Variants in WDR59 observed in about 807,000 individuals in gnomAD.
WDR59 encodes GATOR2 complex protein WDR59.
Under a neutral mutation model 131.2 loss-of-function variants are expected in WDR59, and 100 were observed. The observed-to-expected ratio is 0.76, with a 90% CI of 0.65 to 0.90. The LOEUF is 0.90. Ranked by LOEUF, WDR59 falls within the 40% of genes least tolerant of loss-of-function variation. WDR59 has a pLI of 0.00. For synonymous variants in WDR59, 601 were observed against 466.2 expected, an observed-to-expected ratio of 1.29 and a Z score of -3.72; for missense variants, 1,203 against 1,262.2, an observed-to-expected ratio of 0.95 and a Z score of 0.71.
At chr16:74,957,601 G>T (rs369900433) in intron 2 of WDR59, among the ~76,000 whole-genome samples, 3 of 152,124 alleles carry the variant, frequency 2.0e-5, no homozygotes, top group South Asian at 4.1e-4. Context: ...AATAACATAT[G>T]AAGTGCCAGT....
chr16:74,981,298 C>T (rs1033248469), intron 1 of WDR59, among the ~76,000 whole-genome samples: 1 of 151,112 alleles, frequency 6.6e-6, no homozygotes, highest in African/African-American at 2.4e-5. Context: ...ATGCCGTGAA[C>T]CTGGGAGGCA....
intron 1 of WDR59, among the ~76,000 whole-genome samples, chr16:74,971,522 T>G (rs2033984535): frequency 7.2e-6 from 1 of 139,644 alleles, no homozygotes; most frequent in Non-Finnish European, 1.5e-5. Context: ...AACCTCTGCC[T>G]CCTGAGTTCA....
intron 23 of WDR59, among the ~76,000 whole-genome samples, chr16:74,886,810 C>A (rs1964788676): frequency 6.6e-6 from 1 of 152,136 alleles, no homozygotes; most frequent in African/African-American, 2.4e-5. Flanking sequence ...GCAATCCCAG[C>A]TACTCAGGAG....
chr16:74,908,611 A>G (rs1445495866), intron 17 of WDR59: 5 of 277,968 alleles, frequency 1.8e-5, no homozygotes, highest in Non-Finnish European at 3.3e-5. Context: ...ATTAAAAACA[A>G]ATAATAAATA....
intron 2 of WDR59, chr16:74,959,444 G>C (rs982858967): frequency 2.4e-6 from 1 of 417,490 alleles, no homozygotes; most frequent in African/African-American, 2.1e-5. Flanking sequence ...GAAACCTGAA[G>C]GATAGGGACT....
chr16:74,962,945 G>A (rs967003612), intron 2 of WDR59: 1 of 151,396 alleles, frequency 6.6e-6, no homozygotes, highest in African/African-American at 2.4e-5. Flanking sequence ...GTACCCAGAG[G>A]AATCTAAATT....
chr16:74,977,015 C>G (rs917523527), intron 1 of WDR59, among the ~76,000 whole-genome samples: 6 of 151,926 alleles, frequency 3.9e-5, no homozygotes, highest in African/African-American at 7.3e-5. Context: ...ACAAAAACAA[C>G]AAGACTGAAA....
At chr16:74,899,637 T>A (rs764956166) in intron 18 of WDR59, 179 of 1,253,738 alleles carry the variant, frequency 1.4e-4, no homozygotes, top group Non-Finnish European at 1.8e-4. Flanking sequence ...TGGCATTTTA[T>A]TCTTGGGCCT....
intron 4 of WDR59, among the ~76,000 whole-genome samples, chr16:74,950,519 C>T (rs2145135512): frequency 6.6e-6 from 1 of 152,348 alleles, no homozygotes; most frequent in Non-Finnish European, 1.5e-5. Context: ...GGCCAGAGGC[C>T]TGTGGTGTCC....
intron 2 of WDR59, among the ~76,000 whole-genome samples, chr16:74,957,558 T>C (rs2033354917): frequency 6.6e-6 from 1 of 152,154 alleles, no homozygotes; most frequent in Middle Eastern, 3.4e-3. Context: ...ATCAGGAGGG[T>C]TAACAATAAC....
At position 74,885,727 on chromosome 16, in the gene WDR59, C is replaced by T. The variant is rs183855703; in HGVS notation, c.2615G>A (p.Arg872His). The T allele has an allele frequency of 2.2e-5, 36 of 1,614,150 alleles. 1 individual carries two copies. The highest frequency in any genetic ancestry group is 2.2e-4 in the East Asian group (10 of 44,878). ...FKKCYGEILYRWGLREKRAEV... is the reference protein window; with the variant it reads ...FKKCYGEILYHWGLREKRAEV... ...AGCTCGCTTCTCTCTCAGACCCCAA[C>T]GGTAGAGGATTTCCCCATAGCATTT... is the stretch of plus-strand genomic sequence containing the variant. Residue 872 changes from arginine (R) to histidine (H), a missense_variant, in exon 25 of 26, where the codon CGT becomes CAT. Coordinates refer to ENST00000262144, the MANE Select transcript of WDR59 (RefSeq NM_030581.4).
intron 18 of WDR59, among the ~76,000 whole-genome samples, chr16:74,895,445 T>C (rs900760924): frequency 3.9e-5 from 6 of 152,124 alleles, no homozygotes; most frequent in Non-Finnish European, 8.8e-5. Context: ...GTATTTTTAG[T>C]AGAGACAGGG....
chr16:74,898,472 G>A (rs1965394219), intron 18 of WDR59, among the ~76,000 whole-genome samples: 1 of 152,192 alleles, frequency 6.6e-6, no homozygotes, highest in African/African-American at 2.4e-5. Context: ...ATTACATGAT[G>A]AGCACCAGGC....
chr16:74,923,992 G>A lies in WDR59; in HGVS notation c.663C>T (p.Tyr221=). 6.2e-7 allele frequency: 1 copy of A among 1,613,472 alleles called. No individual in the cohort carries two copies. Among genetic ancestry groups the A allele is most frequent in the Non-Finnish European group, 8.5e-7 (1 of 1,179,912 alleles). The change falls in exon 9 of 26, where the codon TAC becomes TAT. Residue 221 remains tyrosine (Y), a synonymous_variant. Transcript: ENST00000262144. ...TATTGAGGTATTTCCGAGGCTGGCG[G>A]TAATCCCAGAACTAGAAGAGAGCAA... ...SQDNSVKFWD[Y]RQPRKYLNIL... is the part of the protein sequence containing the mutation.
chr16:74,925,693 C>T (rs551130468), intron 8 of WDR59, among the ~76,000 whole-genome samples: 7 of 152,096 alleles, frequency 4.6e-5, no homozygotes, highest in African/African-American at 1.7e-4. Context: ...TGTTTGATAC[C>T]CTGTGTGGGC....
chr16:74,925,913 G>A (rs1281339868), intron 8 of WDR59, among the ~76,000 whole-genome samples: 1 of 151,238 alleles, frequency 6.6e-6, no homozygotes, highest in Admixed American at 6.6e-5. Context: ...TGAGTCAAGG[G>A]GTTCAAGGTT....
intron 20 of WDR59, 31 bp from the exon 21 acceptor site, chr16:74,889,846 A>G: frequency 6.4e-7 from 1 of 1,563,130 alleles, no homozygotes; most frequent in Non-Finnish European, 8.8e-7. Context: ...TACAAACTCA[A>G]ACTGGCAAGG....
At position 74,908,914 on chromosome 16, in the gene WDR59, G is replaced by C; in HGVS notation, c.1706C>G (p.Thr569Ser). 3 of 1,614,030 alleles carry C rather than the reference G, an allele frequency of 1.9e-6. No homozygotes were observed. The highest frequency in any genetic ancestry group is 2.5e-6 in the Non-Finnish European group (3 of 1,179,952). The change falls in exon 17 of 26, where the codon ACT becomes AGT. Residue 569 changes from threonine to serine, a missense_variant. Coordinates refer to ENST00000262144, the MANE Select transcript of WDR59 (RefSeq NM_030581.4). ...CTGCATCTCCCTGACTCACCTCGGA[G>C]TAGGCTCTGTGGGAGACACCGCCCG... ...MHRAVSPTEPTPRSLSALSAY... is the reference protein window; with the variant it reads ...MHRAVSPTEPSPRSLSALSAY...
intron 2 of WDR59, among the ~76,000 whole-genome samples, chr16:74,961,134 T>A (rs1408810710): frequency 1.4e-5 from 2 of 141,006 alleles, no homozygotes; most frequent in Non-Finnish European, 3.1e-5. Flanking sequence ...AGGGAGACCC[T>A]GTCTCTACAA....
Sources: allele counts gnomAD v4.1 joint callset (sites outside exome capture counted in the v4.1 genomes callset), GRCh38; gene constraint gnomAD v4.1.1; transcripts MANE v1.5; gene names NCBI Gene and HGNC (gene_info 2026-07-23, HGNC 2026-07-21).